The following ARID4B variants were observed in gnomAD, a reference collection of about 807,000 sequenced individuals.
ARID4B encodes AT-rich interaction domain 4B.
In ARID4B, 26 loss-of-function variants were observed where a neutral mutation model predicts 147.5. The ratio of observed to expected loss-of-function variants is 0.18; its 90% CI spans 0.13 to 0.24. The LOEUF (loss-of-function observed/expected upper bound fraction) is 0.24, where lower values mean the gene tolerates loss of function less well. ARID4B is among the 10% of genes least tolerant of loss of function. The pLI, the probability that ARID4B is intolerant of heterozygous loss-of-function variation, is 1.00. For synonymous variants in ARID4B, 512 were observed against 507.9 expected, an observed-to-expected ratio of 1.01 and a Z score of -0.11; for missense variants, 1,179 against 1,511.5, an observed-to-expected ratio of 0.78 and a Z score of 3.65.
At chr1:235,230,689 AG>A (rs1439528594) in intron 10 of ARID4B, among the ~76,000 whole-genome samples, 1 of 151,272 alleles carries the variant, frequency 6.6e-6, no homozygotes, top group Non-Finnish European at 1.5e-5. Flanking sequence ...CGGGAGGCTG[AG>A]GCAGGTGGAC....
At chr1:235,221,837 TAACA>T (rs1459131042) in intron 13 of ARID4B, among the ~76,000 whole-genome samples, 175 bp from the exon 14 acceptor site, 1 of 147,616 alleles carries the variant, frequency 6.8e-6, no homozygotes, top group Non-Finnish European at 1.5e-5. Context: ...TTTAGTACTC[TAACA>T]AATATCAGAA....
chr1:235,320,853 T>C (rs1243418695), intron 2 of ARID4B, among the ~76,000 whole-genome samples: 1 of 152,200 alleles, frequency 6.6e-6, no homozygotes, highest in Non-Finnish European at 1.5e-5. Flanking sequence ...CTATCACTTG[T>C]TTCACAGCAC....
intron 2 of ARID4B, among the ~76,000 whole-genome samples, chr1:235,323,276 A>T (rs2103313380): frequency 6.6e-6 from 1 of 151,936 alleles, no homozygotes; most frequent in African/African-American, 2.4e-5. Flanking sequence ...CCCAACCTCA[A>T]GTAATCCACC....
intron 2 of ARID4B, among the ~76,000 whole-genome samples, chr1:235,262,419 A>G (rs1220217103): frequency 6.6e-6 from 1 of 152,250 alleles, no homozygotes; most frequent in Non-Finnish European, 1.5e-5. Flanking sequence ...CATTTATACC[A>G]TAATGGGAAT....
At chr1:235,229,484 A>T (rs2103045078) in intron 10 of ARID4B, 99 bp from the exon 11 acceptor site, 2 of 811,938 alleles carry the variant, frequency 2.5e-6, no homozygotes, top group Non-Finnish European at 4.0e-6. Context: ...TACTGTGCTA[A>T]TACCACTGAC....
At chr1:235,201,965 G>A (rs1665964325) in intron 17 of ARID4B, among the ~76,000 whole-genome samples, 1 of 151,262 alleles carries the variant, frequency 6.6e-6, no homozygotes, top group Admixed American at 6.6e-5. Context: ...CTGAAAATGT[G>A]AAAATTCAGG....
At chr1:235,211,443 T>C (rs1012805462) in intron 17 of ARID4B, among the ~76,000 whole-genome samples, 3 of 152,016 alleles carry the variant, frequency 2.0e-5, no homozygotes, top group Admixed American at 6.6e-5. Context: ...TTTCAAATAC[T>C]TCATAAAGGC....
At chr1:235,202,886 A>T (rs1666047615) in intron 17 of ARID4B, among the ~76,000 whole-genome samples, 1 of 152,150 alleles carries the variant, frequency 6.6e-6, no homozygotes, top group South Asian at 2.1e-4. Context: ...CAAGACCATA[A>T]GTACACATGT....
At chr1:235,260,512 T>C in intron 3 of ARID4B, 130 bp downstream of exon 3, 1 of 573,380 alleles carries the variant, frequency 1.7e-6, no homozygotes, top group Non-Finnish European at 2.9e-6. Flanking sequence ...AAATGCTTTG[T>C]TTTGAGGTAT....
intron 19 of ARID4B, among the ~76,000 whole-genome samples, chr1:235,192,707 C>T (rs1217072093): frequency 6.6e-6 from 1 of 152,060 alleles, no homozygotes; most frequent in Non-Finnish European, 1.5e-5. Context: ...GATATGTCCC[C>T]TTCCCTGCCA....
At chr1:235,278,031 GT>G (rs372629349) in intron 2 of ARID4B, among the ~76,000 whole-genome samples, 111 of 152,166 alleles carry the variant, frequency 7.3e-4, no homozygotes, top group Non-Finnish European at 1.1e-3. Flanking sequence ...TTAAGTAAAT[GT>G]ACACACACAA....
chr1:235,289,723 C>T lies in ARID4B; in HGVS notation c.7-28971G>A, dbSNP rs1174664499. 2.4e-5 allele frequency among the ~76,000 whole-genome samples: 3 copies of T among 124,768 alleles called. No homozygotes were observed. The Middle Eastern group carries it at 0.012, about 480-fold the overall frequency. The allele number at this position is 124,768 out of a possible 152,430, so 81.9% of individuals were successfully genotyped here. A position where few individuals can be genotyped will look rare whatever the true frequency, so the allele number is the denominator to read the frequency against. ...CTGGGGGACAGGAAGGAGATTCTGCCTCAAAAAAAAAAAAAAAAGCCAACC... is the reference window on the plus strand; with the variant it reads ...CTGGGGGACAGGAAGGAGATTCTGCTTCAAAAAAAAAAAAAAAAGCCAACC... On this transcript the variant is annotated intron_variant, in intron 2 of 23. Coordinates refer to ENST00000264183, the MANE Select transcript of ARID4B (RefSeq NM_016374.6).
rs1027730674 is a variant in ARID4B, at chr1:235,312,189, G to C, written c.6+14725C>G. Among the ~76,000 whole-genome samples the C allele has an allele frequency of 2.0e-5, 3 of 150,730 alleles. No homozygotes were observed. In the East Asian group the frequency reaches 6.0e-4, roughly 30 times the overall value. On this transcript the variant is annotated intron_variant, in intron 2 of 23. Coordinates refer to ENST00000264183, the MANE Select transcript of ARID4B (RefSeq NM_016374.6). ...TAGTTCCAGCTACTCAGGAGGCTGA[G>C]GCAGGAGAACTGCTTGAACCCGGGA... is the stretch of plus-strand genomic sequence containing the variant.
rs1669592617 is a variant in ARID4B at position 235,250,746 on chromosome 1, C to T, written c.354+1984G>A. Among the ~76,000 whole-genome samples, 4 of 152,152 alleles carry T rather than the reference C, an allele frequency of 2.6e-5. No individual in the cohort carries two copies. In the South Asian group the frequency reaches 8.3e-4, roughly 32 times the overall value. On this transcript the variant is annotated intron_variant, in intron 6 of 23. Transcript: ENST00000264183. ...TCTAGCAAAACATAAATTAGAAGTA[C>T]ACACCTGCACAGACACACTAAAACT...
chr1:235,170,836 CG>C (rs1470484535), intron 23 of ARID4B, among the ~76,000 whole-genome samples: 1 of 146,932 alleles, frequency 6.8e-6, no homozygotes, highest in Non-Finnish European at 1.5e-5. Flanking sequence ...TCGCTTGAAC[CG>C]GAAGGCAGAG....
chr1:235,216,965 G>A (rs924559521), intron 16 of ARID4B, among the ~76,000 whole-genome samples: 2 of 151,764 alleles, frequency 1.3e-5, no homozygotes, highest in Non-Finnish European at 2.9e-5. Flanking sequence ...TTGAAATGAC[G>A]ACAAACTCCA....
At chr1:235,279,118 C>G (rs1014914458) in intron 2 of ARID4B, among the ~76,000 whole-genome samples, 2 of 152,120 alleles carry the variant, frequency 1.3e-5, no homozygotes, top group Admixed American at 1.3e-4. Flanking sequence ...TCCCAGGCAC[C>G]GCTCCAGACA....
chr1:235,258,124 GA>G (rs1413841410), intron 3 of ARID4B, among the ~76,000 whole-genome samples: 2 of 152,104 alleles, frequency 1.3e-5, no homozygotes, highest in Non-Finnish European at 2.9e-5. Flanking sequence ...CTGAGATCAG[GA>G]GATGGGACCA....
intron 19 of ARID4B, among the ~76,000 whole-genome samples, chr1:235,192,271 A>G (rs533284082): frequency 6.6e-6 from 1 of 152,182 alleles, no homozygotes; most frequent in East Asian, 1.9e-4. Flanking sequence ...TAGATAATTC[A>G]ATTCTGAAGA....
Sources: gnomAD v4.1 joint callset for allele counts (sites outside exome capture counted in the v4.1 genomes callset) on GRCh38, gnomAD v4.1.1 for gene constraint, MANE v1.5 for transcripts, NCBI Gene and HGNC (gene_info 2026-07-23, HGNC 2026-07-21) for gene names.